The following C12orf42 variants were observed in gnomAD, a reference collection of about 807,000 sequenced individuals.
C12orf42 encodes uncharacterized protein C12orf42.
In C12orf42, 25 loss-of-function variants were observed where a neutral mutation model predicts 21.6. The ratio of observed to expected loss-of-function variants is 1.16; its 90% CI spans 0.84 to 1.62. The LOEUF (loss-of-function observed/expected upper bound fraction) is 1.62. C12orf42 is among the 40% of genes most tolerant of loss of function. The probability of loss-of-function intolerance (pLI) is 0.00; values close to 1 mark genes in which losing one functional copy is unlikely to be tolerated. For missense variants in C12orf42, 483 were observed against 459.3 expected (o/e 1.05, Z -0.47); for synonymous variants, 174 against 175.0 (o/e 0.99, Z 0.05).
At chr12:103,341,616 T>G (rs1392475321) in intron 4 of C12orf42, among the ~76,000 whole-genome samples, 3 of 152,250 alleles carry the variant, frequency 2.0e-5, no homozygotes, top group Admixed American at 2.0e-4. Flanking sequence ...AATAAGATGA[T>G]AGCCTTAAAC....
At chr12:103,361,439 C>T (rs1339089074) in intron 4 of C12orf42, among the ~76,000 whole-genome samples, 1 of 151,994 alleles carries the variant, frequency 6.6e-6, no homozygotes, top group South Asian at 2.1e-4. Flanking sequence ...GGGAGGGCTG[C>T]CAGAGGTACT....
At chr12:103,427,362 T>TA (rs34615151) in intron 2 of C12orf42, among the ~76,000 whole-genome samples, 7,367 of 134,190 alleles carry the variant, frequency 0.055, 239 homozygotes, top group South Asian at 0.16. Flanking sequence ...CAAAAAAGAT[T>TA]AAAAAAAAAA....
chr12:103,146,252 G>A, the C12orf42 span, among the ~76,000 whole-genome samples: 20 of 151,886 alleles, frequency 1.3e-4, no homozygotes, highest in South Asian at 4.0e-3. Context: ...AGGCCAAGGC[G>A]GGTGGATCAC....
intron 4 of C12orf42, among the ~76,000 whole-genome samples, chr12:103,355,833 A>T (rs935389712): frequency 6.6e-6 from 1 of 152,098 alleles, no homozygotes; most frequent in African/African-American, 2.4e-5. Flanking sequence ...TTGGATGCTA[A>T]CTATCCTTTC....
chr12:103,435,157 G>C (rs1950593245), intron 2 of C12orf42, among the ~76,000 whole-genome samples: 1 of 152,092 alleles, frequency 6.6e-6, no homozygotes, highest in South Asian at 2.1e-4. Flanking sequence ...ACCTCACACA[G>C]CAGGGTATTC....
intron 4 of C12orf42, among the ~76,000 whole-genome samples, chr12:103,343,800 A>G (rs1006720136): frequency 1.1e-4 from 16 of 152,138 alleles, no homozygotes; most frequent in African/African-American, 3.4e-4. Flanking sequence ...AGAAAAAGAA[A>G]AAAAGAAAAC....
rs1413052125 is a variant in C12orf42, at chr12:103,412,042, A to G, written c.79-10367T>C. Reference sequence around the variant, plus strand: ...GATCTGAGTTAGTAGAGCATAAAGTATACTACACTCAACAAAGGTGCCACA... The same window carrying G: ...GATCTGAGTTAGTAGAGCATAAAGTGTACTACACTCAACAAAGGTGCCACA... On this transcript the variant is annotated intron_variant, in intron 2 of 5. Transcript: ENST00000548883. Among the ~76,000 whole-genome samples the G allele has an allele frequency of 2.6e-5, 4 of 152,240 alleles. No homozygotes were observed. In the East Asian group the frequency reaches 7.7e-4, roughly 29 times the overall value.
the C12orf42 span, among the ~76,000 whole-genome samples, chr12:103,135,258 C>A: frequency 1.3e-5 from 2 of 152,126 alleles, no homozygotes; most frequent in South Asian, 2.1e-4. Context: ...AGTTTGAGAC[C>A]AGCCTGGGCA....
chr12:103,100,025 T>C, the C12orf42 span, among the ~76,000 whole-genome samples: 2 of 152,230 alleles, frequency 1.3e-5, no homozygotes, highest in African/African-American at 2.4e-5. Flanking sequence ...CCTGCAATTT[T>C]TTTGTTTTGC....
intron 1 of C12orf42, among the ~76,000 whole-genome samples, chr12:103,495,045 T>C (rs889181390): frequency 2.6e-5 from 4 of 151,880 alleles, no homozygotes; most frequent in Admixed American, 1.3e-4. Flanking sequence ...AGGCCAGCTC[T>C]AGAAGTAGGG....
chr12:103,093,271 T>A, the C12orf42 span, among the ~76,000 whole-genome samples: 1 of 152,166 alleles, frequency 6.6e-6, no homozygotes, highest in African/African-American at 2.4e-5. Context: ...GTCCATAGAT[T>A]CAATCTCTGC....
intron 3 of C12orf42, among the ~76,000 whole-genome samples, chr12:103,399,628 C>T (rs2047823441): frequency 6.6e-6 from 1 of 152,056 alleles, no homozygotes; most frequent in Non-Finnish European, 1.5e-5. Flanking sequence ...CATAACAAAG[C>T]AGTTTCCTGG....
chr12:103,443,158 T>C (rs576582314), intron 2 of C12orf42, among the ~76,000 whole-genome samples: 1 of 152,250 alleles, frequency 6.6e-6, no homozygotes, highest in East Asian at 1.9e-4. Flanking sequence ...ACACAGAGAA[T>C]GTTAATTATT....
At chr12:103,206,921 T>C in the C12orf42 span, among the ~76,000 whole-genome samples, 22 of 152,314 alleles carry the variant, frequency 1.4e-4, no homozygotes, top group South Asian at 4.6e-3. Flanking sequence ...CAGAGCTCTC[T>C]CACATTACAG....
chr12:103,319,562 C>A (rs1264485786), intron 4 of C12orf42, among the ~76,000 whole-genome samples: 1 of 152,206 alleles, frequency 6.6e-6, no homozygotes, highest in East Asian at 1.9e-4. Context: ...TGCATTAAAG[C>A]AACACACTGT....
chr12:103,101,417 T>C, the C12orf42 span, among the ~76,000 whole-genome samples: 1 of 152,220 alleles, frequency 6.6e-6, no homozygotes, highest in Non-Finnish European at 1.5e-5. Flanking sequence ...TGATAGTTTT[T>C]CCTTAAAAAT....
exon 7 of C12orf42, chr12:103,268,609 C>G (rs1466850510): frequency 6.6e-6 from 1 of 151,856 alleles, no homozygotes; most frequent in Admixed American, 6.6e-5. Flanking sequence ...GCATTATATA[C>G]TTGGAGAAAA....
chr12:103,399,111 TC>T (rs1408860936), intron 3 of C12orf42, among the ~76,000 whole-genome samples: 22 of 152,002 alleles, frequency 1.4e-4, no homozygotes, highest in Admixed American at 1.4e-3. Context: ...TTAAATTTAT[TC>T]CAAAGTAATT....
chr12:103,342,916 C>G (rs1236314925), intron 4 of C12orf42, among the ~76,000 whole-genome samples: 1 of 152,162 alleles, frequency 6.6e-6, no homozygotes, highest in African/African-American at 2.4e-5. Context: ...AACCCTTTAC[C>G]TCCTCACCCT....
Sources: gnomAD v4.1 joint callset for allele counts (sites outside exome capture counted in the v4.1 genomes callset) on GRCh38, gnomAD v4.1.1 for gene constraint, MANE v1.5 for transcripts, NCBI Gene and HGNC (gene_info 2026-07-23, HGNC 2026-07-21) for gene names.